CDH20: variants seen among roughly 807,000 people sequenced by gnomAD.
CDH20 encodes the protein cadherin-20.
In CDH20, 29 loss-of-function variants were observed where a neutral mutation model predicts 74.2. That is an observed-to-expected ratio of 0.39 (90% CI 0.29 to 0.53). The LOEUF (loss-of-function observed/expected upper bound fraction) is 0.53. Ranked by LOEUF, CDH20 falls within the 20% of genes least tolerant of loss-of-function variation. The pLI, the probability that CDH20 is intolerant of heterozygous loss-of-function variation, is 0.69. For synonymous variants in CDH20, 469 were observed against 405.4 expected (o/e 1.16, Z -1.88); for missense variants, 988 against 1,048.3 (o/e 0.94, Z 0.79).
intron 1 of CDH20, 74 bp downstream of exon 1, chr18:61,333,901 G>A (rs1909653852): frequency 6.6e-6 from 1 of 152,290 alleles, no homozygotes; most frequent in Non-Finnish European, 1.5e-5. Flanking sequence ...AGCCCTCTGG[G>A]GCGAAATCCC....
At chr18:61,550,756 T>C (rs1322998687) in intron 11 of CDH20, among the ~76,000 whole-genome samples, 5 of 152,138 alleles carry the variant, frequency 3.3e-5, no homozygotes, top group African/African-American at 1.2e-4. Flanking sequence ...TAAATGCTCA[T>C]CCCGATTCTG....
At chr18:61,405,492 C>G (rs1912301964) in intron 1 of CDH20, among the ~76,000 whole-genome samples, 1 of 152,132 alleles carries the variant, frequency 6.6e-6, no homozygotes, top group South Asian at 2.1e-4. Context: ...GGGGCTGAGG[C>G]AGGAGGATTG....
intron 8 of CDH20, among the ~76,000 whole-genome samples, chr18:61,537,934 G>A (rs140967238): frequency 7.2e-4 from 109 of 152,234 alleles, no homozygotes; most frequent in Middle Eastern, 6.8e-3. Context: ...TCTGTGTCTC[G>A]CAATTTCTGT....
chr18:61,552,364 TATGTA>T (rs1368338362), intron 11 of CDH20, among the ~76,000 whole-genome samples: 2 of 151,994 alleles, frequency 1.3e-5, no homozygotes, highest in Admixed American at 1.3e-4. Flanking sequence ...TAATATTTGT[TATGTA>T]ATATTTGTTA....
rs749390815 is a variant in CDH20 at position 61,487,801 on chromosome 18, TA to T, written c.-152-2600del. ...TCAGATCATGCCTCAGGTAGGGGGA[TA>T]GGGGGTTTTAATTGGGAGGAACACA... On this transcript the variant is annotated intron_variant, in intron 1 of 11. Coordinates refer to ENST00000262717, the MANE Select transcript of CDH20 (RefSeq NM_031891.4). 2.6e-4 allele frequency among the ~76,000 whole-genome samples: 40 copies of T among 152,070 alleles called. 1 individual carries two copies. The highest frequency in any genetic ancestry group is 5.9e-5 in the Non-Finnish European group (4 of 68,010).
intron 1 of CDH20, among the ~76,000 whole-genome samples, chr18:61,462,346 G>A (rs771680604): frequency 4.6e-5 from 7 of 152,038 alleles, no homozygotes; most frequent in East Asian, 1.9e-4. Flanking sequence ...AGCATGAATC[G>A]GCCTTAGGTT....
At chr18:61,362,537 T>A (rs1189330572) in intron 1 of CDH20, among the ~76,000 whole-genome samples, 1 of 152,090 alleles carries the variant, frequency 6.6e-6, no homozygotes, top group South Asian at 2.1e-4. Flanking sequence ...TGGGGACAGA[T>A]AATAAATATA....
intron 1 of CDH20, among the ~76,000 whole-genome samples, chr18:61,458,422 C>G (rs1909653659): frequency 6.6e-6 from 1 of 152,114 alleles, no homozygotes; most frequent in Non-Finnish European, 1.5e-5. Context: ...AGTTGCCCAT[C>G]AAAAAGGCAT....
At chr18:61,427,754 C>T (rs9958339) in intron 1 of CDH20, among the ~76,000 whole-genome samples, 143,928 of 152,298 alleles carry the variant, frequency 0.95, 68,560 homozygotes, top group East Asian at 1. Context: ...CTGTATGTAG[C>T]GCTAAACTGC....
chr18:61,362,162 A>G (rs987479952), intron 1 of CDH20, among the ~76,000 whole-genome samples: 1 of 152,230 alleles, frequency 6.6e-6, no homozygotes, highest in African/African-American at 2.4e-5. Context: ...TTAAAAAGCG[A>G]AATTACAGAA....
intron 1 of CDH20, among the ~76,000 whole-genome samples, chr18:61,489,132 TCA>T (rs1910871357): frequency 6.6e-6 from 1 of 152,254 alleles, no homozygotes. Flanking sequence ...CTATCATTTC[TCA>T]TTAAAATGAT....
intron 6 of CDH20, among the ~76,000 whole-genome samples, chr18:61,518,015 T>C (rs1912065724): frequency 6.6e-6 from 1 of 152,150 alleles, no homozygotes. Flanking sequence ...AAGTTCAAAC[T>C]GGGCAGAGCC....
chr18:61,459,307 C>G (rs1021549633), intron 1 of CDH20, among the ~76,000 whole-genome samples: 34 of 152,212 alleles, frequency 2.2e-4, no homozygotes, highest in African/African-American at 8.2e-4. Context: ...CCCTTGTTTT[C>G]TCACACTCAC....
intron 1 of CDH20, among the ~76,000 whole-genome samples, chr18:61,441,732 G>A (rs1193364972): frequency 6.6e-6 from 1 of 152,066 alleles, no homozygotes; most frequent in Non-Finnish European, 1.5e-5. Flanking sequence ...TTATCCTACA[G>A]AATATTTTCT....
intron 1 of CDH20, among the ~76,000 whole-genome samples, chr18:61,452,850 A>G (rs569407608): frequency 1.3e-5 from 2 of 152,284 alleles, no homozygotes; most frequent in East Asian, 1.9e-4. Context: ...TGATATTTTT[A>G]TTGCACTAAT....
intron 1 of CDH20, among the ~76,000 whole-genome samples, chr18:61,461,122 A>G (rs1470302705): frequency 4.6e-5 from 7 of 152,120 alleles, no homozygotes; most frequent in African/African-American, 9.7e-5. Context: ...TACGTGGCCT[A>G]TACAAGTAGG....
chr18:61,448,417 A>G (rs1322716456), intron 1 of CDH20, among the ~76,000 whole-genome samples: 2 of 152,254 alleles, frequency 1.3e-5, no homozygotes, highest in East Asian at 3.8e-4. Context: ...AGCCATTTCA[A>G]TTGATGAGAA....
intron 2 of CDH20, among the ~76,000 whole-genome samples, chr18:61,492,229 C>T (rs1266800231): frequency 6.6e-6 from 1 of 152,034 alleles, no homozygotes; most frequent in Non-Finnish European, 1.5e-5. Context: ...GGGATCATTC[C>T]TCCCTTTCCC....
At chr18:61,415,041 G>A (rs1912639477) in intron 1 of CDH20, among the ~76,000 whole-genome samples, 1 of 152,046 alleles carries the variant, frequency 6.6e-6, no homozygotes, top group Non-Finnish European at 1.5e-5. Context: ...TCATTTGCAA[G>A]TCAAAGTTAA....
Sources: gnomAD v4.1 joint callset for allele counts (sites outside exome capture counted in the v4.1 genomes callset) on GRCh38, gnomAD v4.1.1 for gene constraint, MANE v1.5 for transcripts, NCBI Gene and HGNC (gene_info 2026-07-23, HGNC 2026-07-21) for gene names.